THSD4: variants seen among roughly 807,000 people sequenced by gnomAD.
THSD4 encodes thrombospondin type 1 domain containing 4, also known as thrombospondin type-1 domain-containing protein 4.
THSD4 carries 69 observed loss-of-function variants against 119.0 expected under a neutral mutation model. The observed-to-expected ratio is 0.58, with a 90% CI of 0.48 to 0.71. The LOEUF is 0.71. Among genes scored for constraint, THSD4 ranks in the 30% least tolerant of loss-of-function variants. The pLI, the probability that THSD4 is intolerant of heterozygous loss-of-function variation, is 0.00. For missense variants in THSD4, 1,393 were observed against 1,391.1 expected (o/e 1.00, Z -0.02); for synonymous variants, 524 against 540.4 (o/e 0.97, Z 0.42).
At chr15:71,606,012 C>A (rs1216047266) in intron 7 of THSD4, among the ~76,000 whole-genome samples, 1 of 152,144 alleles carries the variant, frequency 6.6e-6, no homozygotes, top group African/African-American at 2.4e-5. Context: ...GGAGTCATCA[C>A]CTGGGCCAAG....
intron 16 of THSD4, among the ~76,000 whole-genome samples, chr15:71,767,908 T>C (rs2053742088): frequency 6.6e-6 from 1 of 152,198 alleles, no homozygotes; most frequent in Admixed American, 6.5e-5. Context: ...CTGTGAGCCA[T>C]TGAGCATCAG....
At chr15:71,712,861 A>G in intron 8 of THSD4, among the ~76,000 whole-genome samples, 1 of 152,224 alleles carries the variant, frequency 6.6e-6, no homozygotes, top group East Asian at 1.9e-4. Context: ...TCCGTTTGTT[A>G]TGACATTCTG....
intron 6 of THSD4, among the ~76,000 whole-genome samples, chr15:71,351,806 G>A (rs546599715): frequency 1.5e-4 from 23 of 152,208 alleles, no homozygotes; most frequent in Admixed American, 2.6e-4. Context: ...CTCCCAACTT[G>A]GTCCATGCCT....
chr15:71,442,579 A>AAAATATAT (rs1195413080), intron 7 of THSD4, among the ~76,000 whole-genome samples: 8 of 39,864 alleles, frequency 2.0e-4, no homozygotes, highest in East Asian at 6.0e-4. Flanking sequence ...AAAAAAAAAA[A>AAAATATAT]ATATATATAT....
At chr15:71,213,452 C>T (rs2043903919) in intron 3 of THSD4, among the ~76,000 whole-genome samples, 1 of 152,220 alleles carries the variant, frequency 6.6e-6, no homozygotes, top group Admixed American at 6.5e-5. Flanking sequence ...CCGCCTTCAC[C>T]CTGCCCAGCC....
At chr15:71,194,313 A>G (rs1294123174) in intron 3 of THSD4, among the ~76,000 whole-genome samples, 1 of 152,112 alleles carries the variant, frequency 6.6e-6, no homozygotes, top group Non-Finnish European at 1.5e-5. Flanking sequence ...GTTTTCACAA[A>G]CCGAGGTTGC....
intron 6 of THSD4, among the ~76,000 whole-genome samples, chr15:71,365,559 A>C (rs2045950708): frequency 6.6e-6 from 1 of 152,158 alleles, no homozygotes; most frequent in South Asian, 2.1e-4. Flanking sequence ...GTGGGGGACA[A>C]GGAAGAGGTT....
rs187137314 is a variant in THSD4 at position 71,553,235 on chromosome 15, T to C, written c.1153-107295T>C. ...TTTTCTGATACCTGTGCTTCTTGTT[T>C]CTACCTCATGTCTAACTGCATTTGC... is the stretch of plus-strand genomic sequence containing the variant. On this transcript the variant is annotated intron_variant, in intron 7 of 17. Transcript: ENST00000261862. Among the ~76,000 whole-genome samples, 222 of 152,344 alleles carry C rather than the reference T, an allele frequency of 1.5e-3. 1 individual carries two copies. The highest frequency in any genetic ancestry group is 3.2e-3 in the Admixed American group (49 of 15,304).
rs2050752403 is a variant in THSD4 at position 71,636,728 on chromosome 15, T to C, written c.1153-23802T>C. On this transcript the variant is annotated intron_variant, in intron 7 of 17. Coordinates refer to ENST00000261862, the MANE Select transcript of THSD4 (RefSeq NM_024817.3). Reference sequence around the variant, plus strand: ...CCAGCAGTGCCTGCAGCTGTGCCTTTGACAATCCTGACCCCAGCTGGTCCC... The same window carrying C: ...CCAGCAGTGCCTGCAGCTGTGCCTTCGACAATCCTGACCCCAGCTGGTCCC... Among the ~76,000 whole-genome samples, 4 of 152,194 alleles carry C rather than the reference T, an allele frequency of 2.6e-5. No homozygotes were observed. The South Asian group carries it at 6.2e-4, about 24-fold the overall frequency.
At chr15:71,355,770 A>G (rs764894952) in intron 6 of THSD4, among the ~76,000 whole-genome samples, 12 of 152,222 alleles carry the variant, frequency 7.9e-5, no homozygotes, top group Non-Finnish European at 1.6e-4. Context: ...TTGAATCAGC[A>G]GGACCCAGGG....
intron 7 of THSD4, among the ~76,000 whole-genome samples, chr15:71,601,578 A>T (rs530125967): frequency 9.9e-5 from 15 of 152,250 alleles, no homozygotes; most frequent in Non-Finnish European, 2.2e-4. Flanking sequence ...CTTAATAAAA[A>T]TGTCAAACTC....
chr15:71,562,217 A>G (rs1397086445), intron 7 of THSD4, among the ~76,000 whole-genome samples: 1 of 152,170 alleles, frequency 6.6e-6, no homozygotes, highest in Non-Finnish European at 1.5e-5. Context: ...GGAAGAGAGT[A>G]TTTGTGGTTT....
At chr15:71,535,146 C>A (rs1428664892) in intron 7 of THSD4, among the ~76,000 whole-genome samples, 1 of 152,176 alleles carries the variant, frequency 6.6e-6, no homozygotes, top group Non-Finnish European at 1.5e-5. Flanking sequence ...CGCTCACCCT[C>A]CTCGGGCCTG....
intron 7 of THSD4, among the ~76,000 whole-genome samples, chr15:71,422,616 T>G (rs1231562912): frequency 1.3e-5 from 2 of 151,946 alleles, no homozygotes. Flanking sequence ...CCACCACCAC[T>G]GGGACTGCGC....
At chr15:71,342,310 G>A (rs767506831) in intron 6 of THSD4, 2 of 158,794 alleles carry the variant, frequency 1.3e-5, no homozygotes, top group Admixed American at 1.2e-4. Flanking sequence ...CAGTACTCAC[G>A]GTGCACATGA....
intron 6 of THSD4, among the ~76,000 whole-genome samples, chr15:71,304,661 C>A (rs2044998888): frequency 6.6e-6 from 1 of 152,108 alleles, no homozygotes; most frequent in Non-Finnish European, 1.5e-5. Flanking sequence ...TCAGGTGCTG[C>A]TGGTTTTGAA....
chr15:71,664,281 C>T (rs1013621191), intron 8 of THSD4, among the ~76,000 whole-genome samples: 2 of 152,094 alleles, frequency 1.3e-5, no homozygotes, highest in Non-Finnish European at 2.9e-5. Flanking sequence ...CATGCCCAGC[C>T]AAAGATTCCA....
At chr15:71,296,936 G>T (rs1047969395) in intron 6 of THSD4, among the ~76,000 whole-genome samples, 2 of 152,052 alleles carry the variant, frequency 1.3e-5, no homozygotes, top group African/African-American at 4.8e-5. Context: ...AGGATTAAAT[G>T]AGATAACCTG....
At chr15:71,426,621 A>G (rs923396670) in intron 7 of THSD4, among the ~76,000 whole-genome samples, 4 of 152,120 alleles carry the variant, frequency 2.6e-5, no homozygotes, top group South Asian at 4.1e-4. Context: ...TTTCCAAGAT[A>G]TTTGCATGAT....
Sources: gnomAD v4.1 joint callset for allele counts (sites outside exome capture counted in the v4.1 genomes callset) on GRCh38, gnomAD v4.1.1 for gene constraint, MANE v1.5 for transcripts, NCBI Gene and HGNC (gene_info 2026-07-23, HGNC 2026-07-21) for gene names.